NOL4L: variants seen among roughly 807,000 people sequenced by gnomAD.
The protein encoded by NOL4L is nucleolar protein 4-like.
A neutral mutation model predicts 64.5 loss-of-function variants in NOL4L; 7 were observed. The ratio of observed to expected loss-of-function variants is 0.11; its 90% CI spans 0.06 to 0.20. NOL4L has a LOEUF of 0.20. Among genes scored for constraint, NOL4L ranks in the 10% least tolerant of loss-of-function variants. The probability of loss-of-function intolerance (pLI) is 1.00; values close to 1 mark genes in which losing one functional copy is unlikely to be tolerated. For synonymous variants in NOL4L, 413 were observed against 401.0 expected (o/e 1.03, Z -0.36); for missense variants, 680 against 967.1 (o/e 0.70, Z 3.94).
At chr20:32,570,932 C>T (rs1263349984) in intron 1 of NOL4L, among the ~76,000 whole-genome samples, 2 of 152,160 alleles carry the variant, frequency 1.3e-5, no homozygotes, top group African/African-American at 4.8e-5. Flanking sequence ...AAGCAGGTCC[C>T]ATTAGCACTC....
chr20:32,470,709 G>A (rs7263102), intron 5 of NOL4L, among the ~76,000 whole-genome samples: 2,440 of 152,350 alleles, frequency 0.016, 68 homozygotes, highest in African/African-American at 0.054. Context: ...GACCTGGCCC[G>A]TGCCTGGGCA....
intron 4 of NOL4L, chr20:32,510,175 C>T: frequency 8.2e-6 from 3 of 365,918 alleles, no homozygotes; most frequent in Non-Finnish European, 1.6e-5. Flanking sequence ...GCAACCATCC[C>T]AGAACAGGCA....
chr20:32,529,581 C>T (rs938468575), intron 1 of NOL4L, among the ~76,000 whole-genome samples: 4 of 152,186 alleles, frequency 2.6e-5, no homozygotes, highest in South Asian at 2.1e-4. Flanking sequence ...CCATGATGGC[C>T]GAACAGCAGT....
chr20:32,460,918 G>A lies in NOL4L; in HGVS notation c.842-4523C>T, dbSNP rs1018879225. On this transcript the variant is annotated intron_variant, in intron 5 of 10. Transcript: ENST00000621426. The surrounding 1 kb of genome is among the most constrained non-coding windows in gnomAD (Gnocchi z 5.7). ...CCATGGTGTCTCCCCTACTCTCGGC[G>A]ACTCCTGCTCGCCCTTCTGTGCTAA... Among the ~76,000 whole-genome samples, 1 of 152,190 alleles carries A rather than the reference G, an allele frequency of 6.6e-6. No individual in the cohort carries two copies. Among genetic ancestry groups the A allele is most frequent in the South Asian group, 2.1e-4 (1 of 4,830 alleles).
intron 1 of NOL4L, among the ~76,000 whole-genome samples, chr20:32,550,980 C>A (rs1048451056): frequency 2.6e-5 from 4 of 151,916 alleles, no homozygotes; most frequent in Admixed American, 6.6e-5. Context: ...TACTTGAACA[C>A]AGGATGCAGA....
intron 5 of NOL4L, among the ~76,000 whole-genome samples, chr20:32,469,298 T>C (rs1444738001): frequency 6.6e-6 from 1 of 152,226 alleles, no homozygotes; most frequent in East Asian, 1.9e-4. Flanking sequence ...TAGAAAAGTC[T>C]GAGAAAAATA....
At chr20:32,461,568 G>T (rs1275180056) in intron 5 of NOL4L, among the ~76,000 whole-genome samples, 1 of 150,986 alleles carries the variant, frequency 6.6e-6, no homozygotes, top group Admixed American at 6.6e-5. Context: ...GACTACAGGC[G>T]CCCACCACCA....
intron 2 of NOL4L, among the ~76,000 whole-genome samples, chr20:32,521,981 C>T (rs527846150): frequency 1.3e-5 from 2 of 152,388 alleles, no homozygotes; most frequent in African/African-American, 4.8e-5. Flanking sequence ...CTCTGCGCTG[C>T]GCTTGGCCCC....
At chr20:32,478,750 C>A (rs755055894) in intron 4 of NOL4L, among the ~76,000 whole-genome samples, 2 of 152,160 alleles carry the variant, frequency 1.3e-5, no homozygotes, top group Non-Finnish European at 2.9e-5. Flanking sequence ...TACCACCACG[C>A]CTGGCTAACT....
At chr20:32,495,072 GGCACCTGC>G (rs1484476848) in intron 4 of NOL4L, among the ~76,000 whole-genome samples, 3 of 152,188 alleles carry the variant, frequency 2.0e-5, no homozygotes, top group African/African-American at 7.2e-5. Context: ...GCTACGTCCA[GGCACCTGC>G]TGTGCGTACT....
At chr20:32,545,426 A>T (rs2018718082) in intron 1 of NOL4L, among the ~76,000 whole-genome samples, 1 of 152,214 alleles carries the variant, frequency 6.6e-6, no homozygotes. Context: ...TCACGTTGAC[A>T]TCTCCAGCAT....
intron 4 of NOL4L, among the ~76,000 whole-genome samples, chr20:32,505,806 C>A (rs6119871): frequency 0.05 from 7,652 of 152,262 alleles, 391 homozygotes; most frequent in African/African-American, 0.14. Flanking sequence ...AAAAGGACAT[C>A]TGATTCCACT....
chr20:32,474,925 C>T (rs1600704679), intron 4 of NOL4L, 183 bp from the exon 5 acceptor site: 2 of 985,460 alleles, frequency 2.0e-6, no homozygotes, highest in Non-Finnish European at 2.4e-6. Context: ...GTGGCCCCGG[C>T]TCTGGTTCCT....
chr20:32,449,266 CG>C (rs1379545372), intron 10 of NOL4L, among the ~76,000 whole-genome samples: 1 of 152,208 alleles, frequency 6.6e-6, no homozygotes, highest in Non-Finnish European at 1.5e-5. Flanking sequence ...TTATCTTCCA[CG>C]GGGGTGTGAG....
In NOL4L at chr20:32,584,577, G is replaced by C; in HGVS notation, c.314C>G (p.Thr105Arg). The C allele has an allele frequency of 8.1e-7, 1 of 1,228,382 alleles. No homozygotes were observed. Among genetic ancestry groups the C allele is most frequent in the Non-Finnish European group, 1.1e-6 (1 of 948,262 alleles). 76.1% of individuals were successfully genotyped at this position (1,228,382 alleles called of 1,614,324 possible). A position where few individuals can be genotyped will look rare whatever the true frequency, so the allele number is the denominator to read the frequency against. Residue 105 changes from threonine to arginine, a missense_variant, in exon 1 of 11, where the codon ACG (threonine) becomes AGG (arginine). Physicochemically the swap from Thr to Arg is moderately conservative, Grantham distance 71. This residue lies in a region of NOL4L where 181 missense variants were observed against 335.2 expected (regional missense o/e 0.54). Transcript: ENST00000621426. ...CGCCGCGCGCGCACTCACCGAGCCC[G>C]TCTTGACCGGCACATACACCACTTG... ...MGQVVYVPVK[T>R]GSGADGLSEP...
chr20:32,542,436 C>G (rs2018671333), intron 1 of NOL4L, among the ~76,000 whole-genome samples: 1 of 152,212 alleles, frequency 6.6e-6, no homozygotes, highest in South Asian at 2.1e-4. Flanking sequence ...TCACTGCAGC[C>G]TCGACCTCCA....
chr20:32,534,690 AC>A (rs1171379597), intron 1 of NOL4L, among the ~76,000 whole-genome samples: 1 of 141,362 alleles, frequency 7.1e-6, no homozygotes, highest in Non-Finnish European at 1.5e-5. Flanking sequence ...CACTCCCCCC[AC>A]CCCCCGCCGC....
intron 1 of NOL4L, among the ~76,000 whole-genome samples, chr20:32,578,669 C>G (rs1252306666): frequency 6.6e-6 from 1 of 152,226 alleles, no homozygotes; most frequent in Non-Finnish European, 1.5e-5. Context: ...CCTCAAATGA[C>G]AGCAGAGCCT....
intron 2 of NOL4L, 121 bp downstream of exon 2, chr20:32,527,637 A>C: frequency 8.2e-7 from 1 of 1,224,648 alleles, no homozygotes; most frequent in Non-Finnish European, 1.1e-6. Context: ...CTAGATCCCC[A>C]AAGGCCGTTT....
Sources: gnomAD v4.1 joint callset for allele counts (sites outside exome capture counted in the v4.1 genomes callset) on GRCh38, gnomAD v4.1.1 for gene constraint, gnomAD v4.1.1 regional missense constraint, Gnocchi (gnomAD v3.1) non-coding constraint, MANE v1.5 for transcripts, NCBI Gene and HGNC (gene_info 2026-07-23, HGNC 2026-07-21) for gene names.